The following GREB1L variants were observed in gnomAD, a reference collection of about 807,000 sequenced individuals.
The protein encoded by GREB1L is GREB1 like retinoic acid receptor coactivator.
A neutral mutation model predicts 200.8 loss-of-function variants in GREB1L; 17 were observed. The observed-to-expected ratio is 0.08, with a 90% CI of 0.06 to 0.13. The LOEUF (loss-of-function observed/expected upper bound fraction) is 0.13, where lower values mean the gene tolerates loss of function less well. GREB1L is among the 10% of genes least tolerant of loss of function. GREB1L has a pLI of 1.00. For synonymous variants in GREB1L, 789 were observed against 893.0 expected (o/e 0.88, Z 2.08); for missense variants, 1,657 against 2,367.7 (o/e 0.70, Z 6.23).
intron 17 of GREB1L, among the ~76,000 whole-genome samples, chr18:21,482,414 C>T (rs567728984): frequency 1.4e-4 from 22 of 152,244 alleles, no homozygotes; most frequent in Admixed American, 5.9e-4. Flanking sequence ...TGTGCCACCA[C>T]GCTCGGCTAA....
At chr18:21,421,359 A>C (rs2032132436) in intron 7 of GREB1L, among the ~76,000 whole-genome samples, 1 of 152,242 alleles carries the variant, frequency 6.6e-6, no homozygotes, top group Non-Finnish European at 1.5e-5. Context: ...TAGAGGGGAA[A>C]TATGTTATAT....
chr18:21,407,249 C>T (rs961776618), intron 7 of GREB1L, among the ~76,000 whole-genome samples: 6 of 152,108 alleles, frequency 3.9e-5, no homozygotes, highest in African/African-American at 1.4e-4. Context: ...ATCATTTTTA[C>T]TGAAGGGGGC....
chr18:21,500,229 T>A lies in GREB1L; in HGVS notation c.3892T>A (p.Tyr1298Asn). ...CTTGGCCCGGCAGCACCACGCTGAC[T>A]ATAGCAACCAGCTGGACCCGGCCTC... Reference protein sequence around the residue: ...WTLARQHHADYSNQLDPASGT... With the variant: ...WTLARQHHADNSNQLDPASGT... The change falls in exon 22 of 33, where the codon TAT becomes AAT. Residue 1298 changes from tyrosine to asparagine, a missense_variant. Coordinates refer to ENST00000424526, the MANE Select transcript of GREB1L (RefSeq NM_001142966.3). The A allele has an allele frequency of 2.0e-6, 3 of 1,531,616 alleles. No individual in the cohort carries two copies. The highest frequency in any genetic ancestry group is 2.6e-6 in the Non-Finnish European group (3 of 1,135,712). 94.9% of individuals were successfully genotyped at this position (1,531,616 alleles called of 1,614,324 possible).
At chr18:21,382,792 A>C (rs78059897) in intron 2 of GREB1L, among the ~76,000 whole-genome samples, 408 of 152,212 alleles carry the variant, frequency 2.7e-3, no homozygotes, top group Non-Finnish European at 4.3e-3. Context: ...CACCCTATAC[A>C]TGGAAATTTT....
At chr18:21,340,760 G>A (rs1316422149) in intron 1 of GREB1L, among the ~76,000 whole-genome samples, 4 of 151,972 alleles carry the variant, frequency 2.6e-5, no homozygotes, top group Non-Finnish European at 5.9e-5. Flanking sequence ...GGCCCAGCTG[G>A]TCTTGAACTC....
intron 1 of GREB1L, among the ~76,000 whole-genome samples, chr18:21,306,108 G>A (rs574822392): frequency 1.3e-5 from 2 of 152,018 alleles, no homozygotes; most frequent in Admixed American, 6.6e-5. Context: ...ATTGTAATTC[G>A]CCATCCCCAC....
At position 21,499,789 on chromosome 18, in the gene GREB1L, C is replaced by A. The variant is rs535817296; in HGVS notation, c.3452C>A (p.Ser1151Tyr). The A allele has an allele frequency of 7.7e-6, 12 of 1,552,046 alleles. No homozygotes were observed. In the African/African-American group the frequency reaches 1.2e-4, roughly 16 times the overall value. ...ACAGCTGACAAGTCCCAGAAGCAGT[C>A]CCTGACCCCCAGCTTTCAGAGCCCA... ...SSTADKSQKQ[S>Y]LTPSFQSPAT... Residue 1151 changes from serine to tyrosine, a missense_variant, in exon 22 of 33, where the codon TCC becomes TAC. Transcript: ENST00000424526.
chr18:21,465,130 C>A (rs1347670440), intron 15 of GREB1L, among the ~76,000 whole-genome samples: 1 of 152,132 alleles, frequency 6.6e-6, no homozygotes, highest in African/African-American at 2.4e-5. Context: ...AATCTACTCT[C>A]TTAGCAATTT....
intron 1 of GREB1L, among the ~76,000 whole-genome samples, chr18:21,245,443 A>G (rs1161050486): frequency 2.6e-5 from 4 of 152,238 alleles, no homozygotes; most frequent in Non-Finnish European, 5.9e-5. Flanking sequence ...CAATACCAGT[A>G]GTGAAATTCT....
chr18:21,341,488 C>T (rs1820056209), intron 1 of GREB1L, among the ~76,000 whole-genome samples: 1 of 152,204 alleles, frequency 6.6e-6, no homozygotes, highest in African/African-American at 2.4e-5. Flanking sequence ...CTTTCCACCT[C>T]AGCTTCCAGG....
chr18:21,452,401 T>C (rs2145442705), intron 14 of GREB1L, 184 bp downstream of exon 14: 4 of 562,854 alleles, frequency 7.1e-6, no homozygotes, highest in South Asian at 3.1e-5. Context: ...GATCAAAGGC[T>C]TTGTTCCTAG....
At chr18:21,253,585 A>T (rs2037749182) in intron 1 of GREB1L, among the ~76,000 whole-genome samples, 1 of 152,172 alleles carries the variant, frequency 6.6e-6, no homozygotes, top group South Asian at 2.1e-4. Flanking sequence ...CAAAAACCGA[A>T]TATACCACAT....
chr18:21,337,042 CCA>C (rs548163620), intron 1 of GREB1L, among the ~76,000 whole-genome samples: 83 of 152,280 alleles, frequency 5.5e-4, no homozygotes, highest in African/African-American at 1.9e-3. Context: ...CCTCAAAATT[CCA>C]CAGACTTGAT....
At chr18:21,262,673 A>G (rs552214161) in intron 1 of GREB1L, among the ~76,000 whole-genome samples, 1 of 152,288 alleles carries the variant, frequency 6.6e-6, no homozygotes, top group African/African-American at 2.4e-5. Context: ...TTGTATTAGT[A>G]GTTTGTCATT....
Position 21,522,814 on chromosome 18 carries a change from A to G in GREB1L, c.5765A>G (p.His1922Arg), listed in dbSNP as rs1276816434. ...CCTCTCTACTTTCTTACTGGACGTC[A>G]TGTATGAGCTTTTGAAGAGACCAAA... ...DKPLYFLTGR[H>R]V Residue 1922 changes from histidine to arginine, a missense_variant, in exon 33 of 33, where the codon CAT (histidine) becomes CGT (arginine). Physicochemically the swap from His to Arg is conservative, Grantham distance 29. This residue lies in a region of GREB1L where 190 missense variants were observed against 230.2 expected (regional missense o/e 0.83). Transcript: ENST00000424526. 2 of 1,550,564 alleles carry G rather than the reference A, an allele frequency of 1.3e-6. No homozygotes were observed. The highest frequency in any genetic ancestry group is 2.7e-5 in the African/African-American group (2 of 73,164).
chr18:21,251,813 C>T (rs997261993), intron 1 of GREB1L, among the ~76,000 whole-genome samples: 53 of 152,056 alleles, frequency 3.5e-4, no homozygotes, highest in African/African-American at 1.2e-3. Flanking sequence ...GGCATGGTGG[C>T]GCATGCCTGT....
At chr18:21,466,817 C>T (rs1448799190) in intron 15 of GREB1L, among the ~76,000 whole-genome samples, 2 of 152,044 alleles carry the variant, frequency 1.3e-5, no homozygotes, top group South Asian at 2.1e-4. Flanking sequence ...AAAAGAATAA[C>T]GTTGGAAGAC....
Position 21,508,449 on chromosome 18 carries a change from C to G in GREB1L, c.4593C>G (p.Leu1531=). 2.6e-6 allele frequency: 4 copies of G among 1,551,708 alleles called. No individual in the cohort carries two copies. Residue 1531 remains leucine (L), a synonymous_variant, in exon 27 of 33, where the codon CTC becomes CTG. Transcript: ENST00000424526. ...CCAGTGGTCGACATGAGCACGGACTCCTAAACCTTTTCCACGCCATGGAGG... is the reference window on the plus strand; with the variant it reads ...CCAGTGGTCGACATGAGCACGGACTGCTAAACCTTTTCCACGCCATGGAGG... The part of the protein sequence containing the change: ...TPSSGRHEHG[L]LNLFHAMEGI...
intron 1 of GREB1L, among the ~76,000 whole-genome samples, chr18:21,275,339 A>G (rs527703350): frequency 8.3e-4 from 127 of 152,298 alleles, no homozygotes; most frequent in African/African-American, 2.9e-3. Flanking sequence ...TAAGTGGGGG[A>G]AAATATTTTT....
Sources: gnomAD v4.1 joint callset for allele counts (sites outside exome capture counted in the v4.1 genomes callset) on GRCh38, gnomAD v4.1.1 for gene constraint, gnomAD v4.1.1 regional missense constraint, MANE v1.5 for transcripts, NCBI Gene and HGNC (gene_info 2026-07-23, HGNC 2026-07-21) for gene names.